The following PTPRT variants were observed in gnomAD, a reference collection of about 807,000 sequenced individuals.
PTPRT encodes the protein receptor-type tyrosine-protein phosphatase T.
A neutral mutation model predicts 176.8 loss-of-function variants in PTPRT; 56 were observed. The observed-to-expected ratio is 0.32, with a 90% CI of 0.26 to 0.40. The LOEUF (loss-of-function observed/expected upper bound fraction) is 0.40. Ranked by LOEUF, PTPRT falls within the 10% of genes least tolerant of loss-of-function variation. PTPRT has a pLI of 1.00. For missense variants in PTPRT, 1,540 were observed against 1,908.2 expected (o/e 0.81, Z 3.60); for synonymous variants, 783 against 739.0 (o/e 1.06, Z -0.96).
chr20:42,869,547 T>C (rs1233419087), intron 2 of PTPRT, among the ~76,000 whole-genome samples: 1 of 152,242 alleles, frequency 6.6e-6, no homozygotes. Context: ...GGAATGTCTA[T>C]CCTGTGTTTG....
intron 7 of PTPRT, among the ~76,000 whole-genome samples, chr20:42,642,064 G>A (rs6016858): frequency 0.39 from 59,448 of 152,022 alleles, 14,127 homozygotes; most frequent in African/African-American, 0.67. Context: ...GTTTACACCA[G>A]CAGTGTGCCT....
intron 5 of PTPRT, among the ~76,000 whole-genome samples, chr20:42,759,693 G>A (rs113943700): frequency 1.2e-4 from 19 of 152,284 alleles, no homozygotes; most frequent in South Asian, 6.2e-4. Context: ...TTTTCTTCTG[G>A]TTCCTGCAGT....
intron 7 of PTPRT, among the ~76,000 whole-genome samples, chr20:42,560,591 G>T (rs1376046040): frequency 6.6e-6 from 1 of 152,082 alleles, no homozygotes; most frequent in Non-Finnish European, 1.5e-5. Context: ...TCTATAGACG[G>T]CCCTTTCATT....
chr20:42,461,966 T>G (rs1601069520), intron 8 of PTPRT, among the ~76,000 whole-genome samples: 4 of 145,874 alleles, frequency 2.7e-5, no homozygotes, highest in African/African-American at 2.5e-5. Context: ...TGATGTAGGG[T>G]GGAAAGGGGA....
At chr20:42,091,152 G>C (rs1568918548) in intron 27 of PTPRT, among the ~76,000 whole-genome samples, 2 of 152,350 alleles carry the variant, frequency 1.3e-5, no homozygotes, top group Non-Finnish European at 2.9e-5. Context: ...GTCAGAACAA[G>C]TTAAACCAAG....
chr20:42,744,750 C>A (rs1031124503), intron 6 of PTPRT, among the ~76,000 whole-genome samples: 2 of 152,212 alleles, frequency 1.3e-5, no homozygotes, highest in Non-Finnish European at 2.9e-5. Flanking sequence ...TCTCCCCTCA[C>A]CTTGAAATTG....
intron 1 of PTPRT, among the ~76,000 whole-genome samples, chr20:43,176,954 C>A (rs1439119032): frequency 2.6e-5 from 4 of 152,258 alleles, no homozygotes; most frequent in Non-Finnish European, 4.4e-5. Flanking sequence ...AAAGCCAGCC[C>A]AAGATATACT....
At chr20:42,869,436 A>G (rs2078806673) in intron 2 of PTPRT, among the ~76,000 whole-genome samples, 2 of 152,222 alleles carry the variant, frequency 1.3e-5, no homozygotes, top group African/African-American at 4.8e-5. Flanking sequence ...AAAGAAGATC[A>G]TTCTCAAGCC....
chr20:42,699,768 T>G (rs1001508602), intron 6 of PTPRT, among the ~76,000 whole-genome samples: 4 of 152,146 alleles, frequency 2.6e-5, no homozygotes, highest in African/African-American at 9.7e-5. Flanking sequence ...ATGCTTGCAC[T>G]CCTCACTACG....
chr20:42,982,155 C>T (rs6030578), intron 1 of PTPRT, among the ~76,000 whole-genome samples: 1 of 152,206 alleles, frequency 6.6e-6, no homozygotes, highest in African/African-American at 2.4e-5. Flanking sequence ...ACTGAAAGAC[C>T]TTCGTTAGGT....
In PTPRT at chr20:42,665,235, A is replaced by G. The variant is rs1440762027; in HGVS notation, c.1153+12631T>C. Among the ~76,000 whole-genome samples the G allele has an allele frequency of 1.6e-4, 25 of 152,274 alleles. No individual in the cohort carries two copies. The East Asian group carries it at 4.2e-3, about 26-fold the overall frequency. The stretch of plus-strand genomic sequence containing the variant: ...GGCTAATATCCAGAATCTACAATGA[A>G]CTCAAACAAATTTACAAGAAAAAAA... On this transcript the variant is annotated intron_variant, in intron 7 of 30. Transcript: ENST00000373187.
At chr20:42,337,528 G>A (rs991260475) in intron 11 of PTPRT, among the ~76,000 whole-genome samples, 2 of 152,116 alleles carry the variant, frequency 1.3e-5, no homozygotes, top group East Asian at 3.9e-4. Context: ...TGATCTAGAG[G>A]AGGAGCTCAA....
chr20:42,250,219 C>A (rs978875119), intron 13 of PTPRT, among the ~76,000 whole-genome samples: 3 of 152,200 alleles, frequency 2.0e-5, no homozygotes, highest in Non-Finnish European at 4.4e-5. Context: ...CAAGATTACG[C>A]CTCGTTTATC....
intron 7 of PTPRT, among the ~76,000 whole-genome samples, chr20:42,587,176 T>C (rs1382982378): frequency 6.6e-6 from 1 of 152,188 alleles, no homozygotes; most frequent in African/African-American, 2.4e-5. Context: ...GCCCCAGTGT[T>C]CTTCAGATAA....
At chr20:42,946,085 G>A (rs1007578275) in intron 1 of PTPRT, among the ~76,000 whole-genome samples, 14 of 152,168 alleles carry the variant, frequency 9.2e-5, no homozygotes, top group African/African-American at 3.4e-4. Context: ...TTGGGCCCCT[G>A]GCCAGTTAGA....
At chr20:43,008,555 G>T (rs1292550553) in intron 1 of PTPRT, among the ~76,000 whole-genome samples, 1 of 152,028 alleles carries the variant, frequency 6.6e-6, no homozygotes, top group African/African-American at 2.4e-5. Context: ...GCTGGGCATG[G>T]TGGTGCATGC....
intron 13 of PTPRT, chr20:42,270,412 A>G: frequency 1.5e-6 from 2 of 1,294,640 alleles, no homozygotes; most frequent in South Asian, 2.5e-5. Flanking sequence ...GTGAGGAGGC[A>G]GAGTGGAGTC....
chr20:42,141,019 C>T (rs1171716507), intron 18 of PTPRT, among the ~76,000 whole-genome samples: 2 of 152,134 alleles, frequency 1.3e-5, no homozygotes, highest in Admixed American at 6.5e-5. Context: ...GTTTGACTCC[C>T]GAGGGCGCTA....
chr20:42,799,472 C>A (rs1035614699), intron 2 of PTPRT, among the ~76,000 whole-genome samples: 1 of 152,154 alleles, frequency 6.6e-6, no homozygotes, highest in Non-Finnish European at 1.5e-5. Context: ...CTGGGACCTG[C>A]GTCTCCCTTT....
Sources: allele counts gnomAD v4.1 joint callset (sites outside exome capture counted in the v4.1 genomes callset), GRCh38; gene constraint gnomAD v4.1.1; transcripts MANE v1.5; gene names NCBI Gene and HGNC (gene_info 2026-07-23, HGNC 2026-07-21).